SH3KBP1: variants seen among roughly 807,000 people sequenced by gnomAD.
SH3KBP1 encodes the protein SH3 domain-containing kinase-binding protein 1.
In SH3KBP1, 8 loss-of-function variants were observed where a neutral mutation model predicts 50.1. The ratio of observed to expected loss-of-function variants is 0.16; its 90% confidence interval spans 0.09 to 0.29. SH3KBP1 has a LOEUF of 0.29. SH3KBP1 is among the 10% of genes least tolerant of loss of function. The pLI, the probability that SH3KBP1 is intolerant of heterozygous loss-of-function variation, is 1.00. For synonymous variants in SH3KBP1, 227 were observed against 218.6 expected, an observed-to-expected ratio of 1.04 and a Z score of -0.34; for missense variants, 377 against 535.2, an observed-to-expected ratio of 0.70 and a Z score of 2.92.
chrX:19,639,267 T>A (rs1298742435), intron 7 of SH3KBP1, among the ~76,000 whole-genome samples: 1 of 111,951 alleles, frequency 8.9e-6, no homozygotes, highest in Non-Finnish European at 1.9e-5. Flanking sequence ...CGGATGCTGT[T>A]GGGAATTTGA....
Position 19,760,033 on chromosome X carries a change from TCTCTCTCC to T in SH3KBP1, c.163-13600_163-13593del, listed in dbSNP as rs1377656492. Among the ~76,000 whole-genome samples the T allele has an allele frequency of 2.8e-3, 182 of 64,798 alleles. 2 individuals are homozygous for T. The highest frequency in any genetic ancestry group is 0.013 in the African/African-American group (158 of 12,000). 56.3% of individuals were successfully genotyped at this position (64,798 alleles called of 115,157 possible). Reference sequence around the variant, plus strand: ...GGTCTCTCTCTCTCTCCTCTCTCTCTCTCTCTCCCTCTCTCTCTCTCTCTCTCTCTCTC... The same window carrying T: ...GGTCTCTCTCTCTCTCCTCTCTCTCTCTCTCTCTCTCTCTCTCTCTCTCTC... On this transcript the variant is annotated intron_variant, in intron 2 of 17. Transcript: ENST00000397821.
intron 2 of SH3KBP1, among the ~76,000 whole-genome samples, chrX:19,791,440 A>C (rs965407588): frequency 3.6e-5 from 4 of 109,607 alleles, no homozygotes; most frequent in African/African-American, 1.3e-4. Flanking sequence ...GAAAAAAGCT[A>C]CTTGGCTCAC....
intron 5 of SH3KBP1, chrX:19,694,864 C>T (rs2063377953): frequency 4.0e-6 from 2 of 496,714 alleles, no homozygotes; most frequent in South Asian, 3.6e-5. Flanking sequence ...TTCTGCAACC[C>T]CAGGTAGTGC....
intron 8 of SH3KBP1, among the ~76,000 whole-genome samples, chrX:19,629,470 C>G (rs570637954): frequency 9.0e-6 from 1 of 111,694 alleles, no homozygotes; most frequent in Non-Finnish European, 1.9e-5. Flanking sequence ...GGGAAACATC[C>G]CTCCATCCTT....
intron 2 of SH3KBP1, among the ~76,000 whole-genome samples, chrX:19,801,419 A>G (rs1019498613): frequency 1.8e-5 from 2 of 112,563 alleles, no homozygotes; most frequent in Non-Finnish European, 3.8e-5. Context: ...AGTCCCAGAC[A>G]GGTTTCTGTT....
chrX:19,566,190 C>T (rs1268337178), intron 13 of SH3KBP1, among the ~76,000 whole-genome samples: 1 of 110,834 alleles, frequency 9.0e-6, no homozygotes, highest in African/African-American at 3.3e-5. Flanking sequence ...GGATTAATGT[C>T]TCTGTGGCAA....
At chrX:19,729,788 G>A (rs1197505696) in intron 3 of SH3KBP1, among the ~76,000 whole-genome samples, 1 of 111,805 alleles carries the variant, frequency 8.9e-6, no homozygotes, top group Non-Finnish European at 1.9e-5. Flanking sequence ...GGGAGAGAAG[G>A]AGGGAGGAAA....
rs746649476 is a variant in SH3KBP1 at position 19,843,677 on chromosome X, G to T, written c.5-7395C>A. ...TCCCTGGGCCTGAACTCTCTCCCTG[G>T]GCAGGAGGCAGCACACCTGTGGCTG... On this transcript the variant is annotated intron_variant, in intron 1 of 17. Transcript: ENST00000397821. 1.3e-4 allele frequency among the ~76,000 whole-genome samples: 14 copies of T among 111,394 alleles called. No individual in the cohort carries two copies. In the South Asian group the frequency reaches 1.5e-3, roughly 12 times the overall value.
chrX:19,701,873 T>A (rs1308455447), intron 4 of SH3KBP1, among the ~76,000 whole-genome samples: 2 of 112,233 alleles, frequency 1.8e-5, no homozygotes, highest in Non-Finnish European at 3.8e-5. Context: ...GCTATGCAAA[T>A]CTATTATAAA....
At chrX:19,755,539 CA>C (rs770026357) in intron 2 of SH3KBP1, among the ~76,000 whole-genome samples, 1 of 110,677 alleles carries the variant, frequency 9.0e-6, no homozygotes, top group African/African-American at 3.3e-5. Flanking sequence ...AATAACCCAA[CA>C]AAAAAATAGC....
At chrX:19,797,789 T>A (rs1375767699) in intron 2 of SH3KBP1, among the ~76,000 whole-genome samples, 1 of 110,061 alleles carries the variant, frequency 9.1e-6, no homozygotes, top group Non-Finnish European at 1.9e-5. Context: ...GTGAGAGAAC[T>A]TGTGACTGGC....
intron 3 of SH3KBP1, among the ~76,000 whole-genome samples, chrX:19,743,671 C>A (rs180799767): frequency 5.4e-5 from 6 of 111,846 alleles, no homozygotes; most frequent in African/African-American, 1.9e-4. Flanking sequence ...CATCCCACAA[C>A]GTGAGGGACT....
At chrX:19,633,175 AGGAAGG>A (rs2061618474) in intron 7 of SH3KBP1, among the ~76,000 whole-genome samples, 1 of 111,984 alleles carries the variant, frequency 8.9e-6, no homozygotes, top group African/African-American at 3.2e-5. Flanking sequence ...GAAGAGAGGG[AGGAAGG>A]GGAAGGGGAA....
chrX:19,646,888 C>A (rs1242492281), intron 6 of SH3KBP1, among the ~76,000 whole-genome samples: 1 of 112,092 alleles, frequency 8.9e-6, no homozygotes, highest in Non-Finnish European at 1.9e-5. Flanking sequence ...TAATATGCCA[C>A]CTCTAAACTG....
At chrX:19,681,211 C>T (rs762571683) in intron 6 of SH3KBP1, among the ~76,000 whole-genome samples, 9 of 112,018 alleles carry the variant, frequency 8.0e-5, no homozygotes, top group Admixed American at 3.8e-4. Flanking sequence ...GGATGTTCAA[C>T]GCACTTGCGC....
intron 1 of SH3KBP1, among the ~76,000 whole-genome samples, chrX:19,848,768 TATTGATTG>T (rs200893302): frequency 1.8e-5 from 2 of 109,920 alleles, no homozygotes; most frequent in Non-Finnish European, 3.8e-5. Context: ...CAGCTGTGGA[TATTGATTG>T]ATTGATTGAT....
chrX:19,812,802 T>C (rs1603259386), intron 2 of SH3KBP1, among the ~76,000 whole-genome samples: 1 of 111,129 alleles, frequency 9.0e-6, no homozygotes, highest in African/African-American at 3.3e-5. Context: ...TGGTGAAACC[T>C]TGTCTCTACA....
intron 1 of SH3KBP1, among the ~76,000 whole-genome samples, chrX:19,838,898 A>G (rs2068138269): frequency 9.2e-6 from 1 of 108,630 alleles, no homozygotes; most frequent in Admixed American, 9.8e-5. Flanking sequence ...AAAAAAAAAA[A>G]AAAAAAAAGA....
chrX:19,715,383 T>C (rs1346608590), intron 3 of SH3KBP1, among the ~76,000 whole-genome samples: 1 of 110,324 alleles, frequency 9.1e-6, no homozygotes, highest in Non-Finnish European at 1.9e-5. Flanking sequence ...TGTGACAAAA[T>C]GCTAATAATT....
Sources: gnomAD v4.1 joint callset for allele counts (sites outside exome capture counted in the v4.1 genomes callset) on GRCh38, gnomAD v4.1.1 for gene constraint, MANE v1.5 for transcripts, NCBI Gene and HGNC (gene_info 2026-07-23, HGNC 2026-07-21) for gene names.